The following NRK variants were observed in gnomAD, a reference collection of about 807,000 sequenced individuals.
NRK encodes the protein nik-related protein kinase.
Under a neutral mutation model 125.2 loss-of-function variants are expected in NRK, and 67 were observed. That is an observed-to-expected ratio of 0.54 (90% CI 0.44 to 0.66). NRK has a LOEUF of 0.66. Among genes scored for constraint, NRK ranks in the 30% least tolerant of loss-of-function variants. NRK has a pLI of 0.00. For missense variants in NRK, 1,224 were observed against 1,192.9 expected (o/e 1.03, Z -0.38); for synonymous variants, 458 against 429.0 (o/e 1.07, Z -0.84).
At chrX:105,829,638 A>G (rs996138451) in intron 1 of NRK, among the ~76,000 whole-genome samples, 1 of 111,769 alleles carries the variant, frequency 8.9e-6, no homozygotes, top group Non-Finnish European at 1.9e-5. Context: ...TAAGAAAACA[A>G]TACTTGAAGA....
At chrX:105,936,509 A>G (rs209096) in intron 21 of NRK, among the ~76,000 whole-genome samples, 22,700 of 111,652 alleles carry the variant, frequency 0.2, 1,687 homozygotes, top group Middle Eastern at 0.32. Context: ...GCCATGAGTT[A>G]GAGAACTGAT....
chrX:105,903,425 T>C (rs2040183935), intron 9 of NRK, among the ~76,000 whole-genome samples: 1 of 111,551 alleles, frequency 9.0e-6, no homozygotes, highest in Admixed American at 9.6e-5. Context: ...TTCAGAAGAT[T>C]CCCTCAGATC....
At chrX:105,898,915 G>A (rs12013088) in intron 8 of NRK, among the ~76,000 whole-genome samples, 22,400 of 111,192 alleles carry the variant, frequency 0.2, 1,653 homozygotes, top group Middle Eastern at 0.31. Flanking sequence ...TGTGGACAAA[G>A]TATATACCAC....
chrX:105,859,732 T>A (rs775640733), intron 2 of NRK, among the ~76,000 whole-genome samples: 18 of 111,931 alleles, frequency 1.6e-4, no homozygotes, highest in Non-Finnish European at 1.3e-4. Context: ...TTTTTAGTGT[T>A]CACTTAATAG....
intron 4 of NRK, among the ~76,000 whole-genome samples, chrX:105,886,628 T>C (rs747880405): frequency 9.4e-6 from 1 of 106,582 alleles, no homozygotes; most frequent in South Asian, 4.1e-4. Flanking sequence ...TGAAAGAATA[T>C]ACACTAAACA....
intron 13 of NRK, among the ~76,000 whole-genome samples, chrX:105,910,803 T>TGTGGGGTCCTTCAGACCAGTTGGCGTCA (rs1277093897): frequency 9.0e-6 from 1 of 111,718 alleles, no homozygotes; most frequent in Non-Finnish European, 1.9e-5. Context: ...GTCAGCCTCT[T>TGTGGGGTCCTTCAGACCAGTTGGCGTCA]GTGGGGTCCT....
intron 2 of NRK, among the ~76,000 whole-genome samples, chrX:105,873,992 A>G: frequency 8.9e-6 from 1 of 112,391 alleles, no homozygotes; most frequent in Non-Finnish European, 1.9e-5. Flanking sequence ...AATCCTTGAT[A>G]CAGTGATGTG....
chrX:105,864,133 T>A (rs1413302012), intron 2 of NRK, among the ~76,000 whole-genome samples: 2 of 112,501 alleles, frequency 1.8e-5, no homozygotes, highest in East Asian at 5.6e-4. Flanking sequence ...TTAACTCATA[T>A]AATGAGAGGC....
At chrX:105,828,138 T>C (rs1376922904) in intron 1 of NRK, among the ~76,000 whole-genome samples, 1 of 112,088 alleles carries the variant, frequency 8.9e-6, no homozygotes, top group African/African-American at 3.2e-5. Context: ...ATTTAACGTT[T>C]AGTCTTGAAA....
At chrX:105,831,523 T>G (rs2039192592) in intron 2 of NRK, among the ~76,000 whole-genome samples, 1 of 112,217 alleles carries the variant, frequency 8.9e-6, no homozygotes, top group East Asian at 2.8e-4. Flanking sequence ...ACTGTGTACT[T>G]GAGTGTGCAC....
intron 16 of NRK, among the ~76,000 whole-genome samples, chrX:105,919,321 CAG>C (rs1416026306): frequency 1.8e-5 from 2 of 111,033 alleles, no homozygotes; most frequent in Non-Finnish European, 1.9e-5. Flanking sequence ...ATTTTAATCA[CAG>C]GGGTTATTTA....
intron 14 of NRK, among the ~76,000 whole-genome samples, chrX:105,914,078 G>T (rs1270648713): frequency 9.1e-6 from 1 of 110,237 alleles, no homozygotes; most frequent in Admixed American, 9.7e-5. Context: ...AGTAGATTAG[G>T]TGAGTGTGTG....
chrX:105,926,153 A>T (rs1457415626), intron 19 of NRK, among the ~76,000 whole-genome samples: 2 of 111,590 alleles, frequency 1.8e-5, no homozygotes, highest in Non-Finnish European at 3.8e-5. Flanking sequence ...CTAGGATGAG[A>T]TAATATCTCA....
chrX:105,854,478 T>C (rs995916535), intron 2 of NRK, among the ~76,000 whole-genome samples: 1 of 111,989 alleles, frequency 8.9e-6, no homozygotes, highest in African/African-American at 3.2e-5. Flanking sequence ...TACAAGCCAC[T>C]TGCATACAAT....
chrX:105,863,536 A>T (rs1158240700), intron 2 of NRK, among the ~76,000 whole-genome samples: 1 of 112,037 alleles, frequency 8.9e-6, no homozygotes, highest in East Asian at 2.8e-4. Context: ...ATATTCAAAG[A>T]TAATATTCCA....
chrX:105,902,472 A>T (rs2040171189), intron 9 of NRK, among the ~76,000 whole-genome samples: 1 of 112,337 alleles, frequency 8.9e-6, no homozygotes, highest in Non-Finnish European at 1.9e-5. Context: ...CTCATAAGGG[A>T]TGGCCTTCCA....
At position 105,937,606 on chromosome X, in the gene NRK, C is replaced by A; in HGVS notation, c.3799+24C>A. Reference sequence around the variant, plus strand: ...AGGTTTGTTTAAGAACTAAAATTAGCTGAGTAATTATGCAGATTAATTAGT... The same window carrying A: ...AGGTTTGTTTAAGAACTAAAATTAGATGAGTAATTATGCAGATTAATTAGT... On this transcript the variant is annotated intron_variant, in intron 22 of 28. Transcript: ENST00000243300. 7 of 1,136,861 alleles carry A rather than the reference C, an allele frequency of 6.2e-6. No homozygotes were observed. The Middle Eastern group carries it at 1.7e-3, about 278-fold the overall frequency. The allele number at this position is 1,136,861 out of a possible 1,213,427, so 93.7% of individuals were successfully genotyped here.
At chrX:105,853,166 C>T (rs752163257) in intron 2 of NRK, among the ~76,000 whole-genome samples, 1 of 111,689 alleles carries the variant, frequency 9.0e-6, no homozygotes, top group South Asian at 3.8e-4. Context: ...CAAAGTTTGG[C>T]CTCTTGACTA....
At chrX:105,898,507 C>T (rs1357282142) in intron 7 of NRK, 77 bp from the exon 8 acceptor site, 1 of 963,722 alleles carries the variant, frequency 1.0e-6, no homozygotes, top group Admixed American at 3.3e-5. Flanking sequence ...TTTGTATCAG[C>T]TTTCCAAGTT....
Sources: gnomAD v4.1 joint callset for allele counts (sites outside exome capture counted in the v4.1 genomes callset) on GRCh38, gnomAD v4.1.1 for gene constraint, MANE v1.5 for transcripts, NCBI Gene and HGNC (gene_info 2026-07-23, HGNC 2026-07-21) for gene names.